The following CYRIB variants were observed in gnomAD, a reference collection of about 807,000 sequenced individuals.
The protein encoded by CYRIB is CYFIP-related Rac1 interactor B.
Under a neutral mutation model 44.2 loss-of-function variants are expected in CYRIB, and 8 were observed. The ratio of observed to expected loss-of-function variants is 0.18; its 90% CI spans 0.11 to 0.33. CYRIB has a LOEUF of 0.33. CYRIB is among the 10% of genes least tolerant of loss of function. CYRIB has a pLI of 1.00. For synonymous variants in CYRIB, 131 were observed against 127.2 expected, an observed-to-expected ratio of 1.03 and a Z score of -0.20; for missense variants, 185 against 382.8, an observed-to-expected ratio of 0.48 and a Z score of 4.31.
At chr8:129,913,551 G>A (rs1395632161) in intron 1 of CYRIB, among the ~76,000 whole-genome samples, 4 of 152,156 alleles carry the variant, frequency 2.6e-5, no homozygotes, top group Non-Finnish European at 5.9e-5. Context: ...ATTACCAGAG[G>A]AGAAAAATAT....
intron 1 of CYRIB, among the ~76,000 whole-genome samples, chr8:129,924,086 T>C (rs1283505621): frequency 4.9e-5 from 6 of 121,384 alleles, no homozygotes. Context: ...GCCTGGGCAA[T>C]CAGTGAGATT....
intron 1 of CYRIB, chr8:129,912,292 T>C (rs1270655657): frequency 6.6e-6 from 1 of 152,168 alleles, no homozygotes; most frequent in Non-Finnish European, 1.5e-5. Flanking sequence ...TATATATATA[T>C]GCTCCAAAAT....
At chr8:129,930,956 G>A (rs573190610) in intron 1 of CYRIB, among the ~76,000 whole-genome samples, 5 of 151,518 alleles carry the variant, frequency 3.3e-5, no homozygotes, top group African/African-American at 9.7e-5. Context: ...AAAAAAACTC[G>A]GTAAATATAT....
chr8:129,896,584 A>G (rs1164721756), intron 2 of CYRIB: 1 of 92,308 alleles, frequency 1.1e-5, no homozygotes, highest in Admixed American at 1.2e-4. Context: ...CTTCAGAAGT[A>G]GCAATTTTAG....
At chr8:129,861,479 G>A (rs992140789) in intron 5 of CYRIB, among the ~76,000 whole-genome samples, 4 of 151,808 alleles carry the variant, frequency 2.6e-5, no homozygotes, top group African/African-American at 4.8e-5. Flanking sequence ...TCACTTTGTC[G>A]CCCAGGCTGG....
At chr8:130,008,645 G>C (rs185575939) in intron 1 of CYRIB, among the ~76,000 whole-genome samples, 1 of 152,146 alleles carries the variant, frequency 6.6e-6, no homozygotes, top group Non-Finnish European at 1.5e-5. Context: ...CTGAAAACTT[G>C]AGAGTTATGA....
intron 1 of CYRIB, among the ~76,000 whole-genome samples, chr8:129,914,137 C>G (rs1164230655): frequency 6.6e-6 from 1 of 152,086 alleles, no homozygotes; most frequent in Non-Finnish European, 1.5e-5. Context: ...AGTGACAAAT[C>G]CATGAGATAC....
chr8:129,880,232 T>A, intron 2 of CYRIB: 1 of 280,950 alleles, frequency 3.6e-6, no homozygotes, highest in Non-Finnish European at 5.4e-6. Flanking sequence ...GATGTTTGCC[T>A]ACGATTAAGA....
At chr8:129,854,337 T>A (rs1185614415) in exon 7 of CYRIB, 2 of 1,607,910 alleles carry the variant, frequency 1.2e-6, no homozygotes, top group Non-Finnish European at 1.7e-6. Flanking sequence ...ATGGCAGGAT[T>A]TGTCATCTGA....
At position 129,911,523 on chromosome 8, in the gene CYRIB, C is replaced by T. The variant is rs111449606; in HGVS notation, c.-49-8173G>A. Among the ~76,000 whole-genome samples, 1,300 of 151,990 alleles carry T rather than the reference C, an allele frequency of 8.6e-3. 18 individuals are homozygous for T. The highest frequency in any genetic ancestry group is 0.03 in the African/African-American group (1,234 of 41,430). On this transcript the variant is annotated intron_variant, in intron 1 of 11. Transcript: ENST00000519824. The stretch of plus-strand genomic sequence containing the variant: ...ATTCTTTAAAAAAATAACCCACGGC[C>T]GGACGCGGTGGCTCACACCTGTAAT...
intron 2 of CYRIB, among the ~76,000 whole-genome samples, chr8:129,953,806 GA>G (rs2094630716): frequency 6.6e-6 from 1 of 152,168 alleles, no homozygotes; most frequent in Non-Finnish European, 1.5e-5. Flanking sequence ...AGGTAAGATT[GA>G]ACCCTCGCCC....
At chr8:129,978,567 C>T (rs1380113629) in intron 1 of CYRIB, among the ~76,000 whole-genome samples, 1 of 152,186 alleles carries the variant, frequency 6.6e-6, no homozygotes, top group Non-Finnish European at 1.5e-5. Context: ...AGGAATCCTC[C>T]CCTGTGCTAG....
chr8:129,971,646 A>T (rs967209381), intron 1 of CYRIB, among the ~76,000 whole-genome samples: 1 of 152,188 alleles, frequency 6.6e-6, no homozygotes, highest in Non-Finnish European at 1.5e-5. Context: ...GAGATTCAGT[A>T]TAAAGGATAT....
chr8:129,924,230 T>C (rs978450537), intron 1 of CYRIB, among the ~76,000 whole-genome samples: 2 of 123,958 alleles, frequency 1.6e-5, no homozygotes, highest in Non-Finnish European at 3.2e-5. Flanking sequence ...GCTATGATCA[T>C]GCCACCACAC....
intron 3 of CYRIB, among the ~76,000 whole-genome samples, chr8:129,878,554 C>A (rs544445318): frequency 3.3e-5 from 5 of 152,122 alleles, no homozygotes; most frequent in Non-Finnish European, 7.4e-5. Flanking sequence ...CCTCTTCACC[C>A]TTTCCTAACA....
chr8:129,884,913 T>C (rs930512004), intron 2 of CYRIB, among the ~76,000 whole-genome samples: 23 of 152,322 alleles, frequency 1.5e-4, no homozygotes, highest in Non-Finnish European at 2.9e-4. Context: ...ACAACTTATC[T>C]GGAAAGGAAC....
intron 10 of CYRIB, among the ~76,000 whole-genome samples, chr8:129,848,197 G>A (rs1211209175): frequency 6.6e-6 from 1 of 152,168 alleles, no homozygotes; most frequent in Non-Finnish European, 1.5e-5. Flanking sequence ...AGAGTCACAA[G>A]GGAGAACAAA....
intron 2 of CYRIB, among the ~76,000 whole-genome samples, chr8:129,890,259 G>C (rs2064676886): frequency 6.6e-6 from 1 of 152,134 alleles, no homozygotes; most frequent in African/African-American, 2.4e-5. Flanking sequence ...AATCTTTCAT[G>C]GAAGTGTCAA....
rs80261908 is a variant in CYRIB, at chr8:129,875,512, G to A, written c.73+3877C>T. Among the ~76,000 whole-genome samples, 1,403 of 152,142 alleles carry A rather than the reference G, an allele frequency of 9.2e-3. 25 individuals carry two copies. The highest frequency in any genetic ancestry group is 0.01 in the Non-Finnish European group (712 of 67,996). ...AGCCATGAGCCACTGCACCTAGCTC[G>A]ATTGAGTGCTTTTTATATGCTGTCA... is the stretch of plus-strand genomic sequence containing the variant. On this transcript the variant is annotated intron_variant, in intron 3 of 11. Coordinates refer to ENST00000519824, the Ensembl canonical transcript of CYRIB.
Sources: allele counts gnomAD v4.1 joint callset (sites outside exome capture counted in the v4.1 genomes callset), GRCh38; gene constraint gnomAD v4.1.1; transcripts MANE v1.5; gene names NCBI Gene and HGNC (gene_info 2026-07-23, HGNC 2026-07-21).